Variants in SLIT2 observed in about 807,000 individuals in gnomAD.
The protein encoded by SLIT2 is slit guidance ligand 2.
In SLIT2, 41 loss-of-function variants were observed where a neutral mutation model predicts 185.7. That is an observed-to-expected ratio of 0.22 (90% CI 0.17 to 0.29). The LOEUF (loss-of-function observed/expected upper bound fraction) is 0.29. Among genes scored for constraint, SLIT2 ranks in the 10% least tolerant of loss-of-function variants. The pLI is 1.00. For missense variants in SLIT2, 1,571 were observed against 1,909.0 expected (o/e 0.82, Z 3.30); for synonymous variants, 693 against 680.2 (o/e 1.02, Z -0.29).
Position 20,462,322 on chromosome 4 carries a change from G to A in SLIT2, c.396-5430G>A, listed in dbSNP as rs769912712. Among the ~76,000 whole-genome samples the A allele has an allele frequency of 2.8e-4, 43 of 152,206 alleles. 1 individual carries two copies. The highest frequency in any genetic ancestry group is 1.0e-3 in the South Asian group (5 of 4,820). On this transcript the variant is annotated intron_variant, in intron 4 of 36. Transcript: ENST00000504154. ...ATTTTTAATTTCTTTGGAAAATTCCGTAGTGTCATGCCTGAGCATTTGCAG... is the reference window on the plus strand; with the variant it reads ...ATTTTTAATTTCTTTGGAAAATTCCATAGTGTCATGCCTGAGCATTTGCAG...
chr4:20,530,006 T>C (rs1721645382), intron 16 of SLIT2, among the ~76,000 whole-genome samples: 1 of 152,218 alleles, frequency 6.6e-6, no homozygotes, highest in South Asian at 2.1e-4. Context: ...CTCATGCCTG[T>C]ACTTAATTAA....
At position 20,528,005 on chromosome 4, in the gene SLIT2, T is replaced by C. The variant is rs566564338; in HGVS notation, c.1463-944T>C. On this transcript the variant is annotated intron_variant, in intron 15 of 36. Transcript: ENST00000504154. This position sits in a 1 kb window ranked among gnomAD's most constrained non-coding sequence, Gnocchi z 4.2. ...TGAGCTTCTCTGTTGTCCTTGTAGC[T>C]CACCTTCAACTTCTTCCTGGATGTT... 8.5e-5 allele frequency among the ~76,000 whole-genome samples: 13 copies of C among 152,252 alleles called. No individual in the cohort carries two copies. The highest frequency in any genetic ancestry group is 7.8e-4 in the Admixed American group (12 of 15,294).
chr4:20,493,906 A>G (rs1048654985), intron 9 of SLIT2, among the ~76,000 whole-genome samples: 1 of 152,242 alleles, frequency 6.6e-6, no homozygotes, highest in Admixed American at 6.5e-5. Context: ...ATGCAACATC[A>G]TGAGCTAGGC....
intron 26 of SLIT2, among the ~76,000 whole-genome samples, chr4:20,566,961 A>G (rs1372512725): frequency 6.6e-6 from 1 of 151,986 alleles, no homozygotes; most frequent in African/African-American, 2.4e-5. Context: ...ACACATCCAC[A>G]TAAACTAGTC....
chr4:20,538,052 C>G (rs926636159), intron 18 of SLIT2, among the ~76,000 whole-genome samples: 1 of 152,154 alleles, frequency 6.6e-6, no homozygotes, highest in Non-Finnish European at 1.5e-5. Flanking sequence ...CTCCACCTCC[C>G]GGGTTCACGC....
intron 12 of SLIT2, among the ~76,000 whole-genome samples, chr4:20,519,942 G>C (rs1055205601): frequency 6.7e-6 from 1 of 148,292 alleles, no homozygotes; most frequent in Non-Finnish European, 1.5e-5. Flanking sequence ...GCTGAGGCAG[G>C]AGAATGGCGT....
At chr4:20,419,336 G>A (rs1353804138) in intron 4 of SLIT2, among the ~76,000 whole-genome samples, 1 of 152,096 alleles carries the variant, frequency 6.6e-6, no homozygotes, top group Non-Finnish European at 1.5e-5. Context: ...ACACACATAT[G>A]TGTATGTATG....
chr4:20,384,868 C>T (rs1383894374), intron 4 of SLIT2, among the ~76,000 whole-genome samples: 1 of 152,126 alleles, frequency 6.6e-6, no homozygotes, highest in Non-Finnish European at 1.5e-5. Context: ...CTGAAAGACT[C>T]AAGGGCCTGA....
intron 4 of SLIT2, among the ~76,000 whole-genome samples, chr4:20,309,793 T>A (rs1717920867): frequency 6.9e-6 from 1 of 144,552 alleles, no homozygotes. Flanking sequence ...GGAGTCTTGC[T>A]CTTTCACCCA....
rs138178252 is a variant in SLIT2, at chr4:20,344,805, C to A, written c.395+75924C>A. Among the ~76,000 whole-genome samples the A allele has an allele frequency of 1.7e-3, 256 of 152,270 alleles. 1 individual carries two copies. The highest frequency in any genetic ancestry group is 3.0e-3 in the Non-Finnish European group (204 of 68,018). On this transcript the variant is annotated intron_variant, in intron 4 of 36. Transcript: ENST00000504154. ...TAAGAGATACTACTGATAACCCTAG[C>A]TTCTGAAAATCATTTTCTCATGAGA...
rs866968607 is a variant in SLIT2 at position 20,472,573 on chromosome 4, G to T, written c.467+4750G>T. 5.4e-3 allele frequency among the ~76,000 whole-genome samples: 76 copies of T among 14,184 alleles called. 22 individuals are homozygous for T. Among genetic ancestry groups the T allele is most frequent in the Non-Finnish European group, 6.4e-3 (64 of 9,926 alleles). The allele number at this position is 14,184 out of a possible 152,430, so 9.3% of individuals were successfully genotyped here. ...ATATATAGATATATATCTATATATA[G>T]ATATATCTATATATAGATATATATC... On this transcript the variant is annotated intron_variant, in intron 5 of 36. Transcript: ENST00000504154.
At chr4:20,320,348 A>G (rs2109161971) in intron 4 of SLIT2, among the ~76,000 whole-genome samples, 1 of 152,144 alleles carries the variant, frequency 6.6e-6, no homozygotes, top group East Asian at 1.9e-4. Context: ...CCTTGGTGTC[A>G]TGGTGGAATC....
At chr4:20,325,733 C>G (rs1719522713) in intron 4 of SLIT2, among the ~76,000 whole-genome samples, 1 of 152,126 alleles carries the variant, frequency 6.6e-6, no homozygotes, top group Non-Finnish European at 1.5e-5. Flanking sequence ...AGAAAGGACA[C>G]CATTCCTTCA....
intron 4 of SLIT2, among the ~76,000 whole-genome samples, chr4:20,292,609 T>G (rs1458540696): frequency 1.3e-5 from 2 of 152,196 alleles, no homozygotes; most frequent in African/African-American, 2.4e-5. Context: ...TTTAGAAGTC[T>G]TTTTTATTAG....
intron 4 of SLIT2, among the ~76,000 whole-genome samples, chr4:20,427,873 C>A (rs934184281): frequency 1.6e-4 from 24 of 152,078 alleles, no homozygotes; most frequent in Admixed American, 1.5e-3. Context: ...TTTTACCATG[C>A]CTCTCTTCAT....
chr4:20,549,852 C>T (rs1050660359), intron 24 of SLIT2, among the ~76,000 whole-genome samples: 2 of 151,868 alleles, frequency 1.3e-5, no homozygotes, highest in Admixed American at 1.3e-4. Flanking sequence ...AGAACTGATT[C>T]AATCATCTTC....
At chr4:20,353,006 T>C (rs986165237) in intron 4 of SLIT2, among the ~76,000 whole-genome samples, 7 of 152,214 alleles carry the variant, frequency 4.6e-5, no homozygotes, top group Non-Finnish European at 1.0e-4. Flanking sequence ...ATCTGTTGTA[T>C]AATCATCTAG....
chr4:20,282,133 T>C (rs1042232024), intron 4 of SLIT2, among the ~76,000 whole-genome samples: 4 of 152,206 alleles, frequency 2.6e-5, no homozygotes, highest in African/African-American at 9.6e-5. Flanking sequence ...ATAAATATAA[T>C]TGATTTTTAT....
chr4:20,286,023 A>G (rs1216206231), intron 4 of SLIT2, among the ~76,000 whole-genome samples: 1 of 152,212 alleles, frequency 6.6e-6, no homozygotes, highest in African/African-American at 2.4e-5. Flanking sequence ...TTTCAATAAT[A>G]TGGAGGAGGA....
Sources: allele counts gnomAD v4.1 joint callset (sites outside exome capture counted in the v4.1 genomes callset), GRCh38; gene constraint gnomAD v4.1.1; non-coding constraint Gnocchi (gnomAD v3.1); transcripts MANE v1.5; gene names NCBI Gene and HGNC (gene_info 2026-07-23, HGNC 2026-07-21).